Variants in ANO10 observed in about 807,000 individuals in gnomAD.
The protein encoded by ANO10 is anoctamin 10, also known as anoctamin-10.
ANO10 carries 77 observed loss-of-function variants against 74.7 expected under a neutral mutation model. The observed-to-expected ratio is 1.03, with a 90% confidence interval of 0.86 to 1.25. The LOEUF is 1.25. ANO10 is among the 50% of genes most tolerant of loss of function. The pLI is 0.00. For missense variants in ANO10, 721 were observed against 778.1 expected (o/e 0.93, Z 0.87); for synonymous variants, 279 against 284.9 (o/e 0.98, Z 0.21).
chr3:43,598,866 G>A lies in ANO10; in HGVS notation c.338-200C>T, dbSNP rs562944157. Among the ~76,000 whole-genome samples, 9 of 152,238 alleles carry A rather than the reference G, an allele frequency of 5.9e-5. No individual in the cohort carries two copies. In the South Asian group the frequency reaches 1.2e-3, roughly 21 times the overall value. ...TAAAAAAATTCTGTTATGCCTTCACGTAATACAATTCTACAATAATCATTT... is the reference window on the plus strand; with the variant it reads ...TAAAAAAATTCTGTTATGCCTTCACATAATACAATTCTACAATAATCATTT... On this transcript the variant is annotated intron_variant, in intron 3 of 12. Coordinates refer to ENST00000292246, the MANE Select transcript of ANO10 (RefSeq NM_018075.5).
intron 3 of ANO10, among the ~76,000 whole-genome samples, chr3:43,599,723 G>A (rs2082249023): frequency 1.3e-5 from 2 of 151,976 alleles, no homozygotes; most frequent in Non-Finnish European, 2.9e-5. Context: ...GGCTAACACG[G>A]TGAAACCCCG....
chr3:43,607,180 C>A (rs2082602174), intron 1 of ANO10, among the ~76,000 whole-genome samples: 1 of 151,752 alleles, frequency 6.6e-6, no homozygotes, highest in Non-Finnish European at 1.5e-5. Context: ...AATATGTGAC[C>A]TGTATTTTTA....
At chr3:43,491,249 C>T (rs1331112521) in intron 11 of ANO10, among the ~76,000 whole-genome samples, 1 of 152,176 alleles carries the variant, frequency 6.6e-6, no homozygotes, top group Non-Finnish European at 1.5e-5. Flanking sequence ...ACAGTGGCCT[C>T]ATGCCTGTAA....
intron 12 of ANO10, among the ~76,000 whole-genome samples, chr3:43,387,691 G>A (rs1471689801): frequency 2.0e-5 from 3 of 152,194 alleles, no homozygotes; most frequent in African/African-American, 7.2e-5. Context: ...GATCAACAGA[G>A]GTGTCAACGG....
intron 4 of ANO10, among the ~76,000 whole-genome samples, chr3:43,595,769 A>G (rs2082048408): frequency 6.6e-6 from 1 of 152,202 alleles, no homozygotes; most frequent in South Asian, 2.1e-4. Context: ...CAGGGCAATC[A>G]GGCAGGAGAA....
At chr3:43,379,386 T>C (rs753748780) in intron 12 of ANO10, among the ~76,000 whole-genome samples, 2 of 152,166 alleles carry the variant, frequency 1.3e-5, no homozygotes. Context: ...AACCTGAAAA[T>C]GGCAAATAGA....
chr3:43,423,933 G>A (rs2092858597), intron 12 of ANO10, among the ~76,000 whole-genome samples: 1 of 152,132 alleles, frequency 6.6e-6, no homozygotes, highest in South Asian at 2.1e-4. Context: ...TTGCCACAAA[G>A]GTAGAATTCT....
chr3:43,574,873 T>C lies in ANO10; in HGVS notation c.1163-9A>G, dbSNP rs1368543726. On this transcript the variant is annotated splice_polypyrimidine_tract_variant and intron_variant, in intron 6 of 12. Coordinates refer to ENST00000292246, the MANE Select transcript of ANO10 (RefSeq NM_018075.5). ...TTCCAATCTGTGATTCTCTAAAACATTAAAACACACAGGTAACTTCTCAGT... is the reference window on the plus strand; with the variant it reads ...TTCCAATCTGTGATTCTCTAAAACACTAAAACACACAGGTAACTTCTCAGT... 3 of 1,612,898 alleles carry C rather than the reference T, an allele frequency of 1.9e-6. No individual in the cohort carries two copies. The highest frequency in any genetic ancestry group is 2.5e-6 in the Non-Finnish European group (3 of 1,179,046).
chr3:43,476,745 C>G (rs1050232030), intron 11 of ANO10, among the ~76,000 whole-genome samples: 1 of 152,076 alleles, frequency 6.6e-6, no homozygotes, highest in African/African-American at 2.4e-5. Context: ...CAAGCTATAC[C>G]ACTAATAAAC....
intron 12 of ANO10, among the ~76,000 whole-genome samples, chr3:43,422,883 C>T (rs1232117511): frequency 1.3e-5 from 2 of 152,140 alleles, no homozygotes; most frequent in East Asian, 1.9e-4. Flanking sequence ...CTGGATGCCT[C>T]TGTGCACTTT....
chr3:43,546,986 G>A (rs1004077571), intron 11 of ANO10, among the ~76,000 whole-genome samples: 1 of 151,938 alleles, frequency 6.6e-6, no homozygotes, highest in African/African-American at 2.4e-5. Context: ...CTACACTAAG[G>A]CCCATTATGA....
intron 11 of ANO10, among the ~76,000 whole-genome samples, chr3:43,487,129 C>A (rs1488676148): frequency 1.3e-5 from 2 of 148,978 alleles, no homozygotes; most frequent in Non-Finnish European, 3.0e-5. Context: ...TATATTGAAC[C>A]AGCCTTGCAT....
chr3:43,571,649 C>T (rs554424971), intron 7 of ANO10, among the ~76,000 whole-genome samples: 1 of 147,598 alleles, frequency 6.8e-6, no homozygotes, highest in African/African-American at 2.5e-5. Context: ...ATCACATGGA[C>T]ACAGGAAGGG....
At chr3:43,394,022 A>G (rs2092329473) in intron 12 of ANO10, among the ~76,000 whole-genome samples, 1 of 152,182 alleles carries the variant, frequency 6.6e-6, no homozygotes, top group African/African-American at 2.4e-5. Context: ...AAGGCTGTGA[A>G]CACTCACAGG....
At chr3:43,602,307 T>C (rs1284358039) in intron 2 of ANO10, among the ~76,000 whole-genome samples, 1 of 152,216 alleles carries the variant, frequency 6.6e-6, no homozygotes, top group East Asian at 1.9e-4. Context: ...TTTAGTGGAA[T>C]AGAAACTGGC....
intron 11 of ANO10, 81 bp from the exon 12 acceptor site, chr3:43,432,808 A>G (rs1450930694): frequency 7.3e-6 from 7 of 954,886 alleles, no homozygotes; most frequent in African/African-American, 1.6e-5. Context: ...TAAGCAATCT[A>G]GGATTATTTA....
chr3:43,626,280 A>T (rs1207769169), upstream of ANO10, among the ~76,000 whole-genome samples: 3 of 144,402 alleles, frequency 2.1e-5, no homozygotes, highest in Non-Finnish European at 4.5e-5. Flanking sequence ...ACATCTCATG[A>T]TGTTATGTTC....
chr3:43,376,008 G>GGAGC (rs2091792916), intron 12 of ANO10, among the ~76,000 whole-genome samples: 2 of 152,204 alleles, frequency 1.3e-5, no homozygotes, highest in Admixed American at 1.3e-4. Flanking sequence ...GAGAATGGAA[G>GGAGC]GAGCCCCTTG....
intron 1 of ANO10, among the ~76,000 whole-genome samples, chr3:43,614,801 A>ATATATATATATATATATG (rs61457264): frequency 0.062 from 6,072 of 98,730 alleles, 1,089 homozygotes; most frequent in East Asian, 0.11. Flanking sequence ...ATATATATAT[A>ATATATATATATATATATG]TAGGTTCATT....
Sources: allele counts gnomAD v4.1 joint callset (sites outside exome capture counted in the v4.1 genomes callset), GRCh38; gene constraint gnomAD v4.1.1; transcripts MANE v1.5; gene names NCBI Gene and HGNC (gene_info 2026-07-23, HGNC 2026-07-21).